KCNMA1: variants seen among roughly 807,000 people sequenced by gnomAD.
KCNMA1 encodes the protein potassium calcium-activated channel subfamily M alpha 1.
A neutral mutation model predicts 140.0 loss-of-function variants in KCNMA1; 29 were observed. The observed-to-expected ratio is 0.21, with a 90% confidence interval of 0.15 to 0.28. KCNMA1 has a LOEUF of 0.28. Ranked by LOEUF, KCNMA1 falls within the 10% of genes least tolerant of loss-of-function variation. KCNMA1 has a pLI of 1.00. For synonymous variants in KCNMA1, 612 were observed against 611.9 expected, an observed-to-expected ratio of 1.00 and a Z score of 0.00; for missense variants, 880 against 1,602.2, an observed-to-expected ratio of 0.55 and a Z score of 7.70.
At chr10:77,369,625 G>T (rs2094556947) in intron 2 of KCNMA1, among the ~76,000 whole-genome samples, 1 of 152,128 alleles carries the variant, frequency 6.6e-6, no homozygotes. Context: ...TTCCTCTGAG[G>T]CCCCACCTAT....
rs1011272093 is a variant in KCNMA1, at chr10:77,637,701, A to T, written c.-59T>A. On this transcript the variant is annotated 5_prime_UTR_variant, in exon 1 of 28. Coordinates refer to ENST00000286628, the MANE Select transcript of KCNMA1 (RefSeq NM_001161352.2). Reference sequence around the variant, plus strand: ...GGGAGCTCCTCCCGCCGCCAGCGCCACCCCAAACACCCATCAACAGCCATA... The same window carrying T: ...GGGAGCTCCTCCCGCCGCCAGCGCCTCCCCAAACACCCATCAACAGCCATA... 2 of 1,426,934 alleles carry T rather than the reference A, an allele frequency of 1.4e-6. No individual in the cohort carries two copies. Among genetic ancestry groups the T allele is most frequent in the African/African-American group, 3.0e-5 (2 of 65,942 alleles). The allele number at this position is 1,426,934 out of a possible 1,614,324, so 88.4% of individuals were successfully genotyped here. A position where few individuals can be genotyped will look rare whatever the true frequency, so the allele number is the denominator to read the frequency against.
intron 1 of KCNMA1, among the ~76,000 whole-genome samples, chr10:77,421,940 G>A (rs1202055779): frequency 6.6e-6 from 1 of 152,204 alleles, no homozygotes; most frequent in Non-Finnish European, 1.5e-5. Context: ...AGTCTGATGG[G>A]AAACTCCATA....
At chr10:77,139,382 G>T (rs76934325) in intron 5 of KCNMA1, among the ~76,000 whole-genome samples, 268 of 152,280 alleles carry the variant, frequency 1.8e-3, no homozygotes, top group African/African-American at 6.1e-3. Flanking sequence ...TAATTCTAGG[G>T]TTATAGACAC....
chr10:77,273,931 G>A (rs2065907668), intron 2 of KCNMA1, among the ~76,000 whole-genome samples: 2 of 152,138 alleles, frequency 1.3e-5, no homozygotes, highest in Admixed American at 1.3e-4. Flanking sequence ...TGAAAAAGCA[G>A]GCACCCTTTT....
chr10:77,338,845 A>T lies in KCNMA1; in HGVS notation c.540+65017T>A, dbSNP rs2090046103. Among the ~76,000 whole-genome samples the T allele has an allele frequency of 2.0e-5, 3 of 152,292 alleles. No individual in the cohort carries two copies. The South Asian group carries it at 6.2e-4, about 32-fold the overall frequency. ...ATCTAAAGCCCCTGTCTTGGTGCCA[A>T]ATACCTAACAGGTGCTCAAGAAATG... On this transcript the variant is annotated intron_variant, in intron 2 of 27. Coordinates refer to ENST00000286628, the MANE Select transcript of KCNMA1 (RefSeq NM_001161352.2).
intron 2 of KCNMA1, among the ~76,000 whole-genome samples, chr10:77,259,382 T>C (rs1296297588): frequency 6.6e-6 from 1 of 152,138 alleles, no homozygotes; most frequent in East Asian, 1.9e-4. Flanking sequence ...AAAAGTGCAA[T>C]ACTATGAAGC....
intron 1 of KCNMA1, among the ~76,000 whole-genome samples, chr10:77,417,810 C>T (rs969997026): frequency 6.6e-6 from 1 of 152,182 alleles, no homozygotes; most frequent in Non-Finnish European, 1.5e-5. Context: ...GACAGCCTTT[C>T]CCCACACTTA....
intron 2 of KCNMA1, among the ~76,000 whole-genome samples, chr10:77,280,805 A>G (rs747730010): frequency 1.3e-5 from 2 of 152,078 alleles, no homozygotes; most frequent in Non-Finnish European, 2.9e-5. Flanking sequence ...CTGGGATTAC[A>G]GGTGTGAGCC....
intron 2 of KCNMA1, among the ~76,000 whole-genome samples, chr10:77,287,309 C>T (rs141754715): frequency 7.9e-5 from 12 of 152,328 alleles, no homozygotes; most frequent in East Asian, 3.9e-4. Flanking sequence ...AGAAGCAGTA[C>T]GTCACTGCCC....
At chr10:76,888,272 A>G (rs2038170656) in intron 27 of KCNMA1, 1 of 152,548 alleles carries the variant, frequency 6.6e-6, no homozygotes, top group African/African-American at 2.4e-5. Flanking sequence ...TGGTTGAACA[A>G]GCTCTGCAGG....
intron 14 of KCNMA1, among the ~76,000 whole-genome samples, chr10:77,057,216 T>G (rs563108083): frequency 3.3e-5 from 5 of 152,156 alleles, no homozygotes; most frequent in Admixed American, 2.0e-4. Context: ...TAACCACAAT[T>G]CAAATGACTA....
chr10:77,322,678 C>T (rs2154356350), intron 2 of KCNMA1, among the ~76,000 whole-genome samples: 1 of 152,188 alleles, frequency 6.6e-6, no homozygotes, highest in South Asian at 2.1e-4. Context: ...TAAGAGTAGC[C>T]ATGCTGGGAA....
Position 77,171,810 on chromosome 10 carries a change from G to A in KCNMA1, c.808+11611C>T, listed in dbSNP as rs187527462. Among the ~76,000 whole-genome samples the A allele has an allele frequency of 2.4e-3, 371 of 152,234 alleles. 3 individuals carry two copies. The highest frequency in any genetic ancestry group is 8.6e-3 in the African/African-American group (356 of 41,526). On this transcript the variant is annotated intron_variant, in intron 5 of 27. Transcript: ENST00000286628. ...TGTGCTGGCTTGCAGACCGCACCTC[G>A]AGTAGTCCTGCTCTAGGAGAAACAT...
At chr10:77,015,997 G>C (rs2091957026) in intron 17 of KCNMA1, among the ~76,000 whole-genome samples, 2 of 152,068 alleles carry the variant, frequency 1.3e-5, no homozygotes, top group South Asian at 4.2e-4. Context: ...CATCAGATCA[G>C]CTTAAAGCCA....
At chr10:77,568,153 G>T (rs890512585) in intron 1 of KCNMA1, among the ~76,000 whole-genome samples, 4 of 152,202 alleles carry the variant, frequency 2.6e-5, no homozygotes, top group African/African-American at 7.2e-5. Flanking sequence ...TCTACCAGAG[G>T]TACAAGGAGG....
rs371451043 is a variant in KCNMA1 at position 77,141,008 on chromosome 10, AAGG to A, written c.809-19963_809-19961del. On this transcript the variant is annotated intron_variant, in intron 5 of 27. Coordinates refer to ENST00000286628, the MANE Select transcript of KCNMA1 (RefSeq NM_001161352.2). ...TCCTGCTTAACAACTGAGGACTCAT[AAGG>A]AGGATTCCCTTAGAGGATGTGATGC... Among the ~76,000 whole-genome samples the A allele has an allele frequency of 2.6e-4, 39 of 152,250 alleles. 1 individual carries two copies. The highest frequency in any genetic ancestry group is 9.1e-4 in the African/African-American group (38 of 41,544).
Position 77,494,492 on chromosome 10 carries a change from A to C in KCNMA1, c.379-90469T>G, listed in dbSNP as rs561482541. Among the ~76,000 whole-genome samples, 15 of 152,322 alleles carry C rather than the reference A, an allele frequency of 9.8e-5. No individual in the cohort carries two copies. The East Asian group carries it at 1.5e-3, about 16-fold the overall frequency. ...GGGATGAAAAGGGTAGAGTCCCCAG[A>C]GTCAGTCAATGTCAGTGAATTGGCA... On this transcript the variant is annotated intron_variant, in intron 1 of 27. Transcript: ENST00000286628.
chr10:77,377,298 G>A lies in KCNMA1; in HGVS notation c.540+26564C>T, dbSNP rs556530694. 2.6e-5 allele frequency among the ~76,000 whole-genome samples: 4 copies of A among 152,098 alleles called. No individual in the cohort carries two copies. The South Asian group carries it at 8.3e-4, about 32-fold the overall frequency. On this transcript the variant is annotated intron_variant, in intron 2 of 27. Coordinates refer to ENST00000286628, the MANE Select transcript of KCNMA1 (RefSeq NM_001161352.2). ...CCTACCTCCCCCACCTGCTGACAAG[G>A]CCTCTCTCTTTCCCACGCCAAGGAC...
At chr10:76,996,466 G>A (rs762933992) in intron 19 of KCNMA1, among the ~76,000 whole-genome samples, 4 of 152,148 alleles carry the variant, frequency 2.6e-5, no homozygotes, top group Non-Finnish European at 4.4e-5. Flanking sequence ...TGCCTAGGCC[G>A]ATCTGCCACT....
Sources: gnomAD v4.1 joint callset for allele counts (sites outside exome capture counted in the v4.1 genomes callset) on GRCh38, gnomAD v4.1.1 for gene constraint, MANE v1.5 for transcripts, NCBI Gene and HGNC (gene_info 2026-07-23, HGNC 2026-07-21) for gene names.